The following ENTREP2 variants were observed in gnomAD, a reference collection of about 807,000 sequenced individuals.
The protein encoded by ENTREP2 is endosomal transmembrane epsin interactor 2, also known as protein ENTREP2.
chr15:29,385,062 G>T, the ENTREP2 span, among the ~76,000 whole-genome samples: 1 of 152,040 alleles, frequency 6.6e-6, no homozygotes, highest in East Asian at 1.9e-4. Flanking sequence ...AGAGCCCAGG[G>T]GGCCCATCAG....
At chr15:29,333,711 C>T in the ENTREP2 span, among the ~76,000 whole-genome samples, 1 of 152,086 alleles carries the variant, frequency 6.6e-6, no homozygotes, top group Admixed American at 6.5e-5. Context: ...TGGGGTGAAT[C>T]TGTCCTTCCC....
At chr15:29,559,077 CAAAATGAGGACA>C in the ENTREP2 span, among the ~76,000 whole-genome samples, 1 of 152,062 alleles carries the variant, frequency 6.6e-6, no homozygotes, top group Non-Finnish European at 1.5e-5. Flanking sequence ...GTCAGCTGTA[CAAAATGAGGACA>C]AGACGTAGTA....
chr15:29,236,957 C>T, the ENTREP2 span, among the ~76,000 whole-genome samples: 1 of 152,086 alleles, frequency 6.6e-6, no homozygotes, highest in African/African-American at 2.4e-5. Context: ...CTCTCGTGAA[C>T]TTAGAGCAAA....
At chr15:29,249,765 G>A in the ENTREP2 span, among the ~76,000 whole-genome samples, 2 of 152,054 alleles carry the variant, frequency 1.3e-5, no homozygotes, top group Non-Finnish European at 2.9e-5. Flanking sequence ...TTTATAAAGA[G>A]GTTTAACTGG....
At chr15:29,521,787 T>C in the ENTREP2 span, among the ~76,000 whole-genome samples, 5 of 152,162 alleles carry the variant, frequency 3.3e-5, no homozygotes, top group South Asian at 6.2e-4. Context: ...TTGACACTAG[T>C]TGGCACTGTG....
At chr15:29,436,951 G>C in the ENTREP2 span, among the ~76,000 whole-genome samples, 1 of 152,202 alleles carries the variant, frequency 6.6e-6, no homozygotes, top group African/African-American at 2.4e-5. Flanking sequence ...CTAACCTCCT[G>C]TCCAAGAACT....
chr15:29,629,232 C>A, the ENTREP2 span, among the ~76,000 whole-genome samples: 3 of 152,010 alleles, frequency 2.0e-5, no homozygotes, highest in African/African-American at 7.3e-5. Flanking sequence ...TTTTTTAATC[C>A]ATTCTTCCAA....
chr15:29,622,259 G>A, the ENTREP2 span, among the ~76,000 whole-genome samples: 2 of 152,064 alleles, frequency 1.3e-5, no homozygotes, highest in African/African-American at 4.8e-5. Context: ...CAGGCTGGGG[G>A]CAATGGCATG....
the ENTREP2 span, among the ~76,000 whole-genome samples, chr15:29,378,908 T>C: frequency 6.6e-6 from 1 of 152,224 alleles, no homozygotes; most frequent in Non-Finnish European, 1.5e-5. Context: ...TTGCATCTAT[T>C]GTGAATGCCT....
the ENTREP2 span, among the ~76,000 whole-genome samples, chr15:29,306,902 T>C: frequency 1.3e-5 from 2 of 150,772 alleles, no homozygotes; most frequent in East Asian, 1.9e-4. Context: ...CATGCCACCA[T>C]GCCTGACTAA....
chr15:29,298,142 T>A, the ENTREP2 span, among the ~76,000 whole-genome samples: 1 of 151,794 alleles, frequency 6.6e-6, no homozygotes, highest in African/African-American at 2.4e-5. Context: ...CAAATTAATA[T>A]CCTTCTAAGT....
the ENTREP2 span, among the ~76,000 whole-genome samples, chr15:29,546,042 AC>A: frequency 6.6e-6 from 1 of 152,170 alleles, no homozygotes; most frequent in Non-Finnish European, 1.5e-5. Context: ...TTGCCACAGA[AC>A]CTTCTATCTC....
At chr15:29,441,328 G>A in the ENTREP2 span, among the ~76,000 whole-genome samples, 64 of 152,296 alleles carry the variant, frequency 4.2e-4, no homozygotes, top group Middle Eastern at 3.4e-3. Context: ...TGTGGAATTC[G>A]TGTTGAATGG....
chr15:29,563,127 C>A, the ENTREP2 span, among the ~76,000 whole-genome samples: 1 of 152,196 alleles, frequency 6.6e-6, no homozygotes, highest in Non-Finnish European at 1.5e-5. Flanking sequence ...CATTATTTTA[C>A]AGGGAAACAT....
At chr15:29,269,605 TC>T in the ENTREP2 span, 4 of 1,560,928 alleles carry the variant, frequency 2.6e-6, no homozygotes, top group East Asian at 5.1e-5. Flanking sequence ...CCGGGCGTCT[TC>T]CCCGGCCCGC....
chr15:29,401,243 G>C, the ENTREP2 span, among the ~76,000 whole-genome samples: 1 of 152,088 alleles, frequency 6.6e-6, no homozygotes, highest in Non-Finnish European at 1.5e-5. Flanking sequence ...ACCAAAGGCT[G>C]GTTTCAAATA....
the ENTREP2 span, chr15:29,234,990 G>T: frequency 7.2e-7 from 1 of 1,379,394 alleles, no homozygotes; most frequent in Non-Finnish European, 1.0e-6. Flanking sequence ...CAGCCATCAT[G>T]CACATTTAGG....
the ENTREP2 span, among the ~76,000 whole-genome samples, chr15:29,175,367 A>C: frequency 6.6e-4 from 100 of 152,348 alleles, no homozygotes; most frequent in African/African-American, 2.1e-3. Context: ...ATTAGCTATG[A>C]CTATCATACA....
chr15:29,333,332 G>A, the ENTREP2 span, among the ~76,000 whole-genome samples: 4 of 152,154 alleles, frequency 2.6e-5, no homozygotes, highest in Non-Finnish European at 1.5e-5. Flanking sequence ...GTCCATACAG[G>A]GCTCATGAAG....
Sources: allele counts gnomAD v4.1 joint callset (sites outside exome capture counted in the v4.1 genomes callset), GRCh38; gene constraint gnomAD v4.1.1; transcripts MANE v1.5; gene names NCBI Gene and HGNC (gene_info 2026-07-23, HGNC 2026-07-21).